Variants in SLC4A8 observed in about 807,000 individuals in gnomAD.
The protein encoded by SLC4A8 is solute carrier family 4 member 8.
Under a neutral mutation model 125.0 loss-of-function variants are expected in SLC4A8, and 40 were observed. The ratio of observed to expected loss-of-function variants is 0.32; its 90% CI spans 0.25 to 0.42. SLC4A8 has a LOEUF of 0.42. Among genes scored for constraint, SLC4A8 ranks in the 10% least tolerant of loss-of-function variants. The pLI, the probability that SLC4A8 is intolerant of heterozygous loss-of-function variation, is 1.00. For missense variants in SLC4A8, 863 were observed against 1,355.1 expected (o/e 0.64, Z 5.70); for synonymous variants, 456 against 476.0 (o/e 0.96, Z 0.55).
intron 1 of SLC4A8, among the ~76,000 whole-genome samples, chr12:51,393,206 C>T (rs1364246700): frequency 1.3e-5 from 2 of 152,046 alleles, no homozygotes; most frequent in Non-Finnish European, 2.9e-5. Context: ...CCTTGACCTC[C>T]GGGTCTCAAG....
At chr12:51,495,470 C>CT (rs3028942) in intron 21 of SLC4A8, among the ~76,000 whole-genome samples, 4,241 of 76,294 alleles carry the variant, frequency 0.056, 276 homozygotes, top group East Asian at 0.18. Flanking sequence ...TTTCTTTCTT[C>CT]TTTTTTTTTT....
At chr12:51,491,692 C>T (rs1951319418) in intron 19 of SLC4A8, among the ~76,000 whole-genome samples, 1 of 151,660 alleles carries the variant, frequency 6.6e-6, no homozygotes, top group African/African-American at 2.4e-5. Context: ...AGTTAAATTA[C>T]AGGCCTCCAT....
chr12:51,400,775 TATACATACATACACAC>T (rs1392350594), intron 1 of SLC4A8, among the ~76,000 whole-genome samples: 2 of 5,212 alleles, frequency 3.8e-4, no homozygotes, highest in African/African-American at 7.0e-4. Flanking sequence ...TATATATATA[TATACATACATACACAC>T]ACACACACAC....
chr12:51,431,869 T>A (rs1949197036), intron 1 of SLC4A8, among the ~76,000 whole-genome samples: 1 of 152,166 alleles, frequency 6.6e-6, no homozygotes, highest in African/African-American at 2.4e-5. Context: ...AAGCTATTCT[T>A]ACTGTGGGCA....
chr12:51,449,455 C>A (rs1949894107), intron 2 of SLC4A8, among the ~76,000 whole-genome samples: 1 of 150,140 alleles, frequency 6.7e-6, no homozygotes, highest in African/African-American at 2.4e-5. Context: ...AAAACTGATG[C>A]AAAGTCACCT....
At chr12:51,446,060 T>C (rs1388321114) in intron 2 of SLC4A8, among the ~76,000 whole-genome samples, 1 of 152,184 alleles carries the variant, frequency 6.6e-6, no homozygotes, top group East Asian at 1.9e-4. Flanking sequence ...ATTAAGATGG[T>C]ATTCAATTTA....
At chr12:51,456,151 T>C (rs891854910) in intron 5 of SLC4A8, among the ~76,000 whole-genome samples, 2 of 151,976 alleles carry the variant, frequency 1.3e-5, no homozygotes, top group African/African-American at 4.8e-5. Flanking sequence ...TGGATAATTT[T>C]TCTTCTGATA....
chr12:51,428,041 C>T (rs529306878), intron 1 of SLC4A8, among the ~76,000 whole-genome samples: 2 of 152,290 alleles, frequency 1.3e-5, no homozygotes, highest in African/African-American at 4.8e-5. Flanking sequence ...CTCTTTCTTG[C>T]ACCTCCTCTG....
chr12:51,470,985 C>G (rs1419961644), intron 13 of SLC4A8, among the ~76,000 whole-genome samples: 1 of 152,008 alleles, frequency 6.6e-6, no homozygotes, highest in African/African-American at 2.4e-5. Context: ...GCTCATGGGA[C>G]TATGGCCAGC....
At chr12:51,400,929 T>G (rs1438445789) in intron 1 of SLC4A8, among the ~76,000 whole-genome samples, 1 of 149,376 alleles carries the variant, frequency 6.7e-6, no homozygotes, top group African/African-American at 2.5e-5. Context: ...CAGGCTGGAG[T>G]GCAGTGGCAC....
chr12:51,392,590 AAAAAG>A lies in SLC4A8; in HGVS notation c.-112+1121_-112+1125del, dbSNP rs1240861311. On this transcript the variant is annotated intron_variant, in intron 1 of 24. Transcript: ENST00000358657. ...CCGTATCAAAAAAAAAAAAAAAGAA[AAAAAG>A]AAAAGAAAAGAAAAGAAATGGGCCC... Among the ~76,000 whole-genome samples, 376 of 151,054 alleles carry A rather than the reference AAAAAG, an allele frequency of 2.5e-3. 1 individual carries two copies. The highest frequency in any genetic ancestry group is 3.0e-3 in the Non-Finnish European group (206 of 67,706).
At chr12:51,412,358 A>G (rs1948611170) in intron 1 of SLC4A8, among the ~76,000 whole-genome samples, 2 of 152,204 alleles carry the variant, frequency 1.3e-5, no homozygotes, top group South Asian at 4.1e-4. Flanking sequence ...TGATACATGC[A>G]TACAGTATGT....
At chr12:51,463,136 A>G (rs546600689) in intron 10 of SLC4A8, among the ~76,000 whole-genome samples, 49 of 152,136 alleles carry the variant, frequency 3.2e-4, no homozygotes, top group African/African-American at 1.2e-3. Flanking sequence ...TGGGAAAGGA[A>G]CTCCTACTGT....
At chr12:51,500,739 T>A (rs1009659065) in intron 22 of SLC4A8, among the ~76,000 whole-genome samples, 74 of 152,112 alleles carry the variant, frequency 4.9e-4, no homozygotes, top group African/African-American at 1.6e-3. Flanking sequence ...CAGGCTGGAG[T>A]GCAGTGGCGC....
intron 1 of SLC4A8, among the ~76,000 whole-genome samples, chr12:51,435,647 G>A (rs1206908279): frequency 6.6e-6 from 1 of 152,092 alleles, no homozygotes; most frequent in Non-Finnish European, 1.5e-5. Flanking sequence ...TAAAATAAAA[G>A]TGACCTTATG....
At chr12:51,421,549 G>A (rs1419457316), upstream of SLC4A8, among the ~76,000 whole-genome samples, 1 of 151,932 alleles carries the variant, frequency 6.6e-6, no homozygotes, top group African/African-American at 2.4e-5. Context: ...GTCCTCCCAG[G>A]AATCACCACT....
chr12:51,493,326 A>T (rs967092575), intron 19 of SLC4A8, among the ~76,000 whole-genome samples: 1 of 152,020 alleles, frequency 6.6e-6, no homozygotes, highest in African/African-American at 2.4e-5. Flanking sequence ...CCCTGAGGAG[A>T]TGATTGTGAG....
At chr12:51,485,237 A>G (rs961054208) in intron 16 of SLC4A8, among the ~76,000 whole-genome samples, 1 of 152,184 alleles carries the variant, frequency 6.6e-6, no homozygotes, top group Non-Finnish European at 1.5e-5. Context: ...GACTGCATTT[A>G]AAAAACACTG....
chr12:51,422,398 C>T (rs1003751984), upstream of SLC4A8, among the ~76,000 whole-genome samples: 24 of 152,218 alleles, frequency 1.6e-4, no homozygotes, highest in African/African-American at 5.8e-4. Flanking sequence ...GAGACAGGGT[C>T]TCACTCTGTC....
Sources: gnomAD v4.1 joint callset for allele counts (sites outside exome capture counted in the v4.1 genomes callset) on GRCh38, gnomAD v4.1.1 for gene constraint, MANE v1.5 for transcripts, NCBI Gene and HGNC (gene_info 2026-07-23, HGNC 2026-07-21) for gene names.